The following GNL3L variants were observed in gnomAD, a reference collection of about 807,000 sequenced individuals.
The protein encoded by GNL3L is guanine nucleotide-binding protein-like 3-like protein.
GNL3L carries 4 observed loss-of-function variants against 42.9 expected under a neutral mutation model. The observed-to-expected ratio is 0.09, with a 90% CI of 0.05 to 0.21. The LOEUF (loss-of-function observed/expected upper bound fraction) is 0.21, where lower values mean the gene tolerates loss of function less well. Among genes scored for constraint, GNL3L ranks in the 10% least tolerant of loss-of-function variants. The pLI is 1.00. For missense variants in GNL3L, 412 were observed against 481.7 expected (o/e 0.86, Z 1.36); for synonymous variants, 159 against 176.3 (o/e 0.90, Z 0.78).
rs1925331848 is a variant in GNL3L, at chrX:54,563,531, C to G, written c.*2929C>G. ...AGTTACGATAGCTCTCACCTGTAAT[C>G]CCAGCATTTTGGGAGGCCGAGGCAG... On this transcript the variant is annotated 3_prime_UTR_variant, in exon 16 of 16. Transcript: ENST00000360845. Among the ~76,000 whole-genome samples, 1 of 111,681 alleles carries G rather than the reference C, an allele frequency of 9.0e-6. No homozygotes were observed. Among genetic ancestry groups the G allele is most frequent in the African/African-American group, 3.3e-5 (1 of 30,700 alleles).
At chrX:54,595,826 A>G (rs910740894) in intron 16 of GNL3L, among the ~76,000 whole-genome samples, 2 of 112,270 alleles carry the variant, frequency 1.8e-5, no homozygotes, top group African/African-American at 6.5e-5. Flanking sequence ...ACTGTGATGC[A>G]TTCTTCAATA....
At chrX:54,568,911 G>C (rs1925505796), downstream of GNL3L, among the ~76,000 whole-genome samples, 1 of 111,945 alleles carries the variant, frequency 8.9e-6, no homozygotes, top group African/African-American at 3.2e-5. Flanking sequence ...TATCTTCTCT[G>C]ACTCTGATCT....
the GNL3L span, among the ~76,000 whole-genome samples, chrX:54,633,032 G>A: frequency 2.7e-5 from 3 of 111,010 alleles, no homozygotes; most frequent in African/African-American, 9.8e-5. Flanking sequence ...GATTGTTATT[G>A]TTCTTCTTCT....
intron 10 of GNL3L, among the ~76,000 whole-genome samples, 154 bp downstream of exon 10, chrX:54,551,204 T>TA (rs969912150): frequency 2.4e-4 from 27 of 112,498 alleles, no homozygotes; most frequent in Non-Finnish European, 4.7e-4. Flanking sequence ...ATTTTCCTGA[T>TA]ACACCCTAGG....
At chrX:54,622,788 T>C (rs929322401), downstream of GNL3L, among the ~76,000 whole-genome samples, 4 of 111,506 alleles carry the variant, frequency 3.6e-5, no homozygotes, top group African/African-American at 1.3e-4. Context: ...TAGAAACCAT[T>C]GCCAAGTCCA....
downstream of GNL3L, among the ~76,000 whole-genome samples, chrX:54,625,297 T>TG (rs764748361): frequency 1.6e-3 from 178 of 109,661 alleles, no homozygotes; most frequent in African/African-American, 5.6e-3. Flanking sequence ...TTGTTTTTTT[T>TG]TTTTTTTAAT....
At chrX:54,585,621 CTTAT>C (rs1162368555) in intron 16 of GNL3L, among the ~76,000 whole-genome samples, 2 of 111,368 alleles carry the variant, frequency 1.8e-5, no homozygotes, top group Admixed American at 9.6e-5. Context: ...CATTTCTGAT[CTTAT>C]TTAAGTCTTC....
At position 54,551,676 on chromosome X, in the gene GNL3L, C is replaced by T. The variant is rs745791161; in HGVS notation, c.972C>T (p.His324=). The change falls in exon 11 of 16, where the codon CAC becomes CAT. Residue 324 remains histidine, a synonymous_variant. Transcript: ENST00000360845. ...GCACCATCCTGCGTAACTGCGTCCA[C>T]GTGCAGAAGCTGGCAGACCCTGTGA... ...EVGTILRNCV[H]VQKLADPVTP... The T allele has an allele frequency of 3.6e-5, 43 of 1,209,451 alleles. No individual in the cohort carries two copies. Among genetic ancestry groups the T allele is most frequent in the East Asian group, 1.2e-4 (4 of 33,746 alleles).
chrX:54,632,769 CAG>C, the GNL3L span, among the ~76,000 whole-genome samples: 1 of 111,890 alleles, frequency 8.9e-6, no homozygotes, highest in Non-Finnish European at 1.9e-5. Flanking sequence ...TCTGGCAATT[CAG>C]AGATTTCTTC....
At chrX:54,642,070 T>C in the GNL3L span, among the ~76,000 whole-genome samples, 1 of 112,105 alleles carries the variant, frequency 8.9e-6, no homozygotes, top group Non-Finnish European at 1.9e-5. Flanking sequence ...GATTTCTGAT[T>C]CGTGATCTAG....
chrX:54,551,899 G>T lies in GNL3L; in HGVS notation c.1106G>T (p.Arg369Leu). Residue 369 changes from arginine (R) to leucine (L), a missense_variant, in exon 12 of 16, where the codon CGT becomes CTT. Transcript: ENST00000360845. ...TEHFLTAVAHRLGKKKKGGLY... is the reference protein window; with the variant it reads ...TEHFLTAVAHLLGKKKKGGLY... ...CACTTTCTGACGGCAGTGGCCCACC[G>T]TTTGGGGAAGAAGAAGAAGGGAGGC... The T allele has an allele frequency of 8.3e-7, 1 of 1,211,224 alleles. No individual in the cohort carries two copies. The highest frequency in any genetic ancestry group is 1.7e-5 in the African/African-American group (1 of 57,889).
chrX:54,573,321 A>G (rs1303167931), intron 16 of GNL3L, among the ~76,000 whole-genome samples: 3 of 113,105 alleles, frequency 2.7e-5, no homozygotes, highest in African/African-American at 6.4e-5. Context: ...AGGCTGGCGG[A>G]TCACTCGCGG....
At position 54,551,475 on chromosome X, in the gene GNL3L, C is replaced by T; in HGVS notation, c.864-93C>T. The T allele has an allele frequency of 7.0e-6, 5 of 715,954 alleles. No individual in the cohort carries two copies. In the Admixed American group the frequency reaches 1.0e-4, roughly 15 times the overall value. The allele number at this position is 715,954 out of a possible 1,213,427, so 59.0% of individuals were successfully genotyped here. Reference sequence around the variant, plus strand: ...CTTCGTCTCTAATGCACCCTCCCCTCACTCCTTTACACTCCCACATCCCAG... The same window carrying T: ...CTTCGTCTCTAATGCACCCTCCCCTTACTCCTTTACACTCCCACATCCCAG... On this transcript the variant is annotated intron_variant, in intron 10 of 15. Coordinates refer to ENST00000360845, the MANE Select transcript of GNL3L (RefSeq NM_001184819.2).
intron 15 of GNL3L, 87 bp downstream of exon 15, chrX:54,558,742 C>T (rs756406946): frequency 2.2e-5 from 14 of 645,647 alleles, no homozygotes; most frequent in Middle Eastern, 4.2e-4. Flanking sequence ...CTGCAGTCTC[C>T]GCCCCCTGGG....
At chrX:54,550,941 GC>G in intron 9 of GNL3L, 21 bp from the exon 10 acceptor site, 1 of 865,643 alleles carries the variant, frequency 1.2e-6, no homozygotes, top group Non-Finnish European at 1.7e-6. Context: ...TCTGCCCTGA[GC>G]CATCTGCTGC....
At chrX:54,572,005 T>C (rs988963271), downstream of GNL3L, among the ~76,000 whole-genome samples, 1 of 108,734 alleles carries the variant, frequency 9.2e-6, no homozygotes, top group Admixed American at 9.9e-5. Flanking sequence ...TATTTTATTT[T>C]TATTTATTTA....
chrX:54,590,043 G>T (rs369196570), intron 16 of GNL3L, among the ~76,000 whole-genome samples: 17 of 110,399 alleles, frequency 1.5e-4, no homozygotes, highest in Admixed American at 4.8e-4. Context: ...AGGTTCAAGC[G>T]ATTCTCCTGC....
At chrX:54,542,579 G>A (rs1008798512) in intron 5 of GNL3L, among the ~76,000 whole-genome samples, 111 of 111,555 alleles carry the variant, frequency 1.0e-3, no homozygotes, top group African/African-American at 3.5e-3. Flanking sequence ...TGTCTTTATA[G>A]TAACATGATT....
Position 54,540,143 on chromosome X carries a change from G to A in GNL3L, c.90G>A (p.Lys30=), listed in dbSNP as rs1382853301. Residue 30 remains lysine (K), a synonymous_variant, in exon 4 of 16, where the codon AAG becomes AAA. Coordinates refer to ENST00000360845, the MANE Select transcript of GNL3L (RefSeq NM_001184819.2). ...KISWPYPQPA[K]QNGKKATSKV... Reference sequence around the variant, plus strand: ...TCTTATGTGGTGGCCAGCCTGCAAAGCAAAATGGGAAGAAAGCAACCTCCA... The same window carrying A: ...TCTTATGTGGTGGCCAGCCTGCAAAACAAAATGGGAAGAAAGCAACCTCCA... The A allele has an allele frequency of 1.7e-6, 2 of 1,200,817 alleles. No individual in the cohort carries two copies. The highest frequency in any genetic ancestry group is 2.2e-5 in the Admixed American group (1 of 45,907).
Sources: allele counts gnomAD v4.1 joint callset (sites outside exome capture counted in the v4.1 genomes callset), GRCh38; gene constraint gnomAD v4.1.1; transcripts MANE v1.5; gene names NCBI Gene and HGNC (gene_info 2026-07-23, HGNC 2026-07-21).